Variants in TMEM132C observed in about 807,000 individuals in gnomAD.
The protein encoded by TMEM132C is transmembrane protein 132C.
In TMEM132C, 29 loss-of-function variants were observed where a neutral mutation model predicts 61.4. The ratio of observed to expected loss-of-function variants is 0.47; its 90% CI spans 0.35 to 0.64. The LOEUF is 0.64. TMEM132C is among the 30% of genes least tolerant of loss of function. The probability of loss-of-function intolerance (pLI) is 0.00; values close to 1 mark genes in which losing one functional copy is unlikely to be tolerated. For synonymous variants in TMEM132C, 656 were observed against 633.1 expected, an observed-to-expected ratio of 1.04 and a Z score of -0.54; for missense variants, 1,408 against 1,476.9, an observed-to-expected ratio of 0.95 and a Z score of 0.76.
At chr12:128,413,529 G>T (rs1868644517) in intron 1 of TMEM132C, among the ~76,000 whole-genome samples, 1 of 151,736 alleles carries the variant, frequency 6.6e-6, no homozygotes, top group Non-Finnish European at 1.5e-5. Flanking sequence ...CCAACATTGT[G>T]TGTTATACTT....
At chr12:128,538,312 C>T (rs1263934455) in intron 2 of TMEM132C, among the ~76,000 whole-genome samples, 4 of 152,064 alleles carry the variant, frequency 2.6e-5, no homozygotes, top group Admixed American at 6.6e-5. Context: ...TCAGTAGAGA[C>T]GGGGTTTCAC....
intron 4 of TMEM132C, among the ~76,000 whole-genome samples, chr12:128,632,721 T>A (rs1272903692): frequency 6.6e-6 from 1 of 152,214 alleles, no homozygotes; most frequent in Non-Finnish European, 1.5e-5. Context: ...GGTCACTGAA[T>A]GAGAACAGTC....
chr12:128,370,204 G>T (rs1269964329), intron 1 of TMEM132C, among the ~76,000 whole-genome samples: 1 of 142,826 alleles, frequency 7.0e-6, no homozygotes, highest in Non-Finnish European at 1.6e-5. Flanking sequence ...CAGGTGTGCA[G>T]GGAGATCCAC....
chr12:128,696,022 G>T lies in TMEM132C; in HGVS notation c.1848G>T (p.Met616Ile). The T allele has an allele frequency of 3.9e-6, 6 of 1,551,784 alleles. No homozygotes were observed. The highest frequency in any genetic ancestry group is 5.2e-6 in the Non-Finnish European group (6 of 1,147,016). ...FDITHLVADFMKLEEPHVATL... is the reference protein window; with the variant it reads ...FDITHLVADFIKLEEPHVATL... ...TCACTCACCTGGTGGCAGACTTCAT[G>T]AAGCTGGAGGAACCTCACGTGGCCA... is the stretch of plus-strand genomic sequence containing the variant. The change falls in exon 7 of 9, where the codon ATG (methionine) becomes ATT (isoleucine). Residue 616 changes from methionine (M) to isoleucine (I), a missense_variant. By Grantham distance (10) the Met-to-Ile change is conservative. Coordinates refer to ENST00000435159, the MANE Select transcript of TMEM132C (RefSeq NM_001136103.3).
At chr12:128,298,730 T>C (rs2135916136) in intron 1 of TMEM132C, among the ~76,000 whole-genome samples, 1 of 152,220 alleles carries the variant, frequency 6.6e-6, no homozygotes, top group South Asian at 2.1e-4. Context: ...GAGGCTGGAG[T>C]TGTCTTTGAT....
chr12:128,581,928 A>G (rs2135559944), intron 3 of TMEM132C, among the ~76,000 whole-genome samples: 1 of 152,312 alleles, frequency 6.6e-6, no homozygotes, highest in East Asian at 1.9e-4. Context: ...AGAAGAGCCA[A>G]ACAAGTGGCT....
chr12:128,441,896 G>A (rs1179469591), intron 2 of TMEM132C, among the ~76,000 whole-genome samples: 1 of 152,170 alleles, frequency 6.6e-6, no homozygotes, highest in African/African-American at 2.4e-5. Context: ...CAGCTACTTG[G>A]GAGGCTGAGG....
chr12:128,675,957 A>G (rs1593144650), intron 5 of TMEM132C, among the ~76,000 whole-genome samples: 1 of 152,198 alleles, frequency 6.6e-6, no homozygotes, highest in Admixed American at 6.5e-5. Context: ...TTTAACTCTA[A>G]CTACTTCAGT....
rs368979216 is a variant in TMEM132C, at chr12:128,558,936, G to A, written c.1121+14833G>A. On this transcript the variant is annotated intron_variant, in intron 3 of 8. Coordinates refer to ENST00000435159, the MANE Select transcript of TMEM132C (RefSeq NM_001136103.3). ...TTTTTATAATCTTGATTTATTTGGG[G>A]GTAAAATGTAATACATTTACATAGT... Among the ~76,000 whole-genome samples the A allele has an allele frequency of 4.0e-5, 6 of 151,850 alleles. No homozygotes were observed. The East Asian group carries it at 9.6e-4, about 24-fold the overall frequency.
chr12:128,626,056 A>G (rs973925698), intron 4 of TMEM132C, among the ~76,000 whole-genome samples: 4 of 152,134 alleles, frequency 2.6e-5, no homozygotes, highest in Admixed American at 6.5e-5. Context: ...TACTTAATTC[A>G]GTAATAAAGA....
intron 2 of TMEM132C, among the ~76,000 whole-genome samples, chr12:128,505,035 C>A (rs1467845152): frequency 8.1e-6 from 1 of 122,934 alleles, no homozygotes; most frequent in Non-Finnish European, 2.0e-5. Context: ...CACTGAATAT[C>A]TCATAGCCCT....
At chr12:128,704,955 T>G in intron 8 of TMEM132C, 135 bp from the exon 9 acceptor site, 1 of 946,298 alleles carries the variant, frequency 1.1e-6, no homozygotes, top group Non-Finnish European at 1.5e-6. Flanking sequence ...CTGTATGATT[T>G]CTCCCCAGAT....
intron 1 of TMEM132C, among the ~76,000 whole-genome samples, chr12:128,387,865 G>A (rs1470279710): frequency 6.6e-6 from 1 of 152,208 alleles, no homozygotes; most frequent in Non-Finnish European, 1.5e-5. Flanking sequence ...GGGTGTTTGT[G>A]CAGGCCAGCT....
At chr12:128,474,789 C>T (rs11837283) in intron 2 of TMEM132C, among the ~76,000 whole-genome samples, 4,212 of 152,138 alleles carry the variant, frequency 0.028, 194 homozygotes, top group African/African-American at 0.093. Flanking sequence ...TGTTGAAAAC[C>T]TCACAGTGGC....
chr12:128,559,192 C>CACACAAACACATACACACACAA (rs1874432275), intron 3 of TMEM132C, among the ~76,000 whole-genome samples: 1 of 151,846 alleles, frequency 6.6e-6, no homozygotes, highest in African/African-American at 2.4e-5. Context: ...CACACACACA[C>CACACAAACACATACACACACAA]ACATTTCCTC....
rs1384926450 is a variant in TMEM132C at position 128,647,960 on chromosome 12, G to A, written c.1306-21457G>A. ...AGTGTGTTTACTGGAGTCCATTGGC[G>A]TTGGATGTGAGTGTGTTTAGCTCAG... On this transcript the variant is annotated intron_variant, in intron 4 of 8. Coordinates refer to ENST00000435159, the MANE Select transcript of TMEM132C (RefSeq NM_001136103.3). Among the ~76,000 whole-genome samples the A allele has an allele frequency of 6.8e-5, 10 of 146,740 alleles. No individual in the cohort carries two copies. In the East Asian group the frequency reaches 8.0e-4, roughly 12 times the overall value.
chr12:128,600,358 A>G (rs113955595), intron 3 of TMEM132C, among the ~76,000 whole-genome samples: 51 of 152,244 alleles, frequency 3.3e-4, no homozygotes, highest in African/African-American at 1.0e-3. Flanking sequence ...TGTGAAGGAC[A>G]TGTTTACTTC....
intron 3 of TMEM132C, among the ~76,000 whole-genome samples, chr12:128,572,806 G>A (rs1467635952): frequency 4.6e-5 from 7 of 152,260 alleles, no homozygotes; most frequent in African/African-American, 1.7e-4. Flanking sequence ...TGGGTCACAT[G>A]CCCACTTCTT....
chr12:128,624,036 G>A (rs1953991640), intron 4 of TMEM132C, among the ~76,000 whole-genome samples: 1 of 152,134 alleles, frequency 6.6e-6, no homozygotes, highest in African/African-American at 2.4e-5. Flanking sequence ...ATGCCACAGT[G>A]TTGATTAATG....
Sources: allele counts gnomAD v4.1 joint callset (sites outside exome capture counted in the v4.1 genomes callset), GRCh38; gene constraint gnomAD v4.1.1; transcripts MANE v1.5; gene names NCBI Gene and HGNC (gene_info 2026-07-23, HGNC 2026-07-21).